The following MILR1 variants were observed in gnomAD, a reference collection of about 807,000 sequenced individuals.
MILR1 encodes mast cell immunoglobulin like receptor 1.
MILR1 carries 31 observed loss-of-function variants against 18.5 expected under a neutral mutation model. That is an observed-to-expected ratio of 1.68 (90% CI 1.26 to 2.26). MILR1 has a LOEUF of 2.26. Ranked by LOEUF, MILR1 falls within the 30% of genes most tolerant of loss-of-function variation. The pLI, the probability that MILR1 is intolerant of heterozygous loss-of-function variation, is 0.00. For missense variants in MILR1, 257 were observed against 157.4 expected (o/e 1.63, Z -3.38); for synonymous variants, 85 against 56.2 (o/e 1.51, Z -2.30).
chr17:64,455,411 A>G (rs1421045752), intron 3 of MILR1, among the ~76,000 whole-genome samples: 1 of 152,104 alleles, frequency 6.6e-6, no homozygotes, highest in Non-Finnish European at 1.5e-5. Flanking sequence ...GGTTGAAACT[A>G]TGAGCCATAA....
rs1396735732 is a variant in MILR1 at position 64,460,217 on chromosome 17, G to C, written c.653-605G>C. ...ATTTTTATATTTTGGGTAGAGACAG[G>C]GTTTCACCATGTTGGCCAGGCTGGT... On this transcript the variant is annotated intron_variant, in intron 4 of 9. Coordinates refer to ENST00000619286, the MANE Select transcript of MILR1 (RefSeq NM_001085423.2). Among the ~76,000 whole-genome samples, 5 of 151,952 alleles carry C rather than the reference G, an allele frequency of 3.3e-5. No homozygotes were observed. In the East Asian group the frequency reaches 5.8e-4, roughly 18 times the overall value.
chr17:64,481,828 TCGTGCC>T, the MILR1 span, among the ~76,000 whole-genome samples: 3 of 151,744 alleles, frequency 2.0e-5, no homozygotes, highest in Admixed American at 6.6e-5. Flanking sequence ...TGAGCCGAGA[TCGTGCC>T]ACTGCACTCC....
Position 64,457,616 on chromosome 17 carries a change from G to C in MILR1, c.584G>C (p.Arg195Thr). The part of the protein sequence containing the change: ...KKNPGEEEEY[R>T]CEAKNRLPNY... Reference sequence around the variant, plus strand: ...AATCCTGGAGAAGAGGAAGAGTATAGGTGTGAAGCTAAAAACAGATTGCCT... The same window carrying C: ...AATCCTGGAGAAGAGGAAGAGTATACGTGTGAAGCTAAAAACAGATTGCCT... The change falls in exon 4 of 10, where the codon AGG (arginine) becomes ACG (threonine). Residue 195 changes from arginine to threonine, a missense_variant. Physicochemically the swap from Arg to Thr is moderately conservative, Grantham distance 71. Coordinates refer to ENST00000619286, the MANE Select transcript of MILR1 (RefSeq NM_001085423.2). The C allele has an allele frequency of 2.1e-6, 1 of 475,320 alleles. No homozygotes were observed. Among genetic ancestry groups the C allele is most frequent in the Admixed American group, 3.1e-5 (1 of 31,762 alleles). 29.4% of individuals were successfully genotyped at this position (475,320 alleles called of 1,614,324 possible). A position where few individuals can be genotyped will look rare whatever the true frequency, so the allele number is the denominator to read the frequency against.
In MILR1 at chr17:64,455,211, C is replaced by T. The variant is rs1039282075; in HGVS notation, c.368-2189C>T. On this transcript the variant is annotated intron_variant, in intron 3 of 9. Coordinates refer to ENST00000619286, the MANE Select transcript of MILR1 (RefSeq NM_001085423.2). ...CATCAGTTCATATGTTTTTTGTGCA[C>T]GACCTTCCTGCAATTTGTTAGGGTA... Among the ~76,000 whole-genome samples the T allele has an allele frequency of 8.2e-4, 125 of 152,220 alleles. 1 individual carries two copies. The highest frequency in any genetic ancestry group is 2.6e-3 in the African/African-American group (106 of 41,536).
the MILR1 span, among the ~76,000 whole-genome samples, chr17:64,481,639 G>A: frequency 1.3e-5 from 2 of 152,124 alleles, no homozygotes; most frequent in South Asian, 4.1e-4. Context: ...TTGGGAGGCC[G>A]AGGTGGGCGG....
chr17:64,480,265 CTT>C, the MILR1 span: 1 of 1,104,736 alleles, frequency 9.1e-7, no homozygotes, highest in Admixed American at 1.8e-5. Context: ...TAAATACACT[CTT>C]TAATGAAAAT....
intron 5 of MILR1, among the ~76,000 whole-genome samples, chr17:64,464,593 T>C (rs1161778268): frequency 1.3e-5 from 2 of 151,994 alleles, no homozygotes; most frequent in Admixed American, 6.6e-5. Flanking sequence ...AAAGTCCAGG[T>C]TCTTGCAAAA....
At chr17:64,493,677 G>A in the MILR1 span, among the ~76,000 whole-genome samples, 20 of 151,918 alleles carry the variant, frequency 1.3e-4, no homozygotes, top group African/African-American at 4.6e-4. Context: ...TAGTAGAGAC[G>A]GGGTTTCACC....
At chr17:64,451,301 C>T (rs986856391) in intron 2 of MILR1, among the ~76,000 whole-genome samples, 1 of 151,832 alleles carries the variant, frequency 6.6e-6, no homozygotes, top group African/African-American at 2.4e-5. Context: ...ACCATCATGC[C>T]CAGCTAATTT....
chr17:64,478,007 AACAG>A, the MILR1 span: 2 of 1,611,598 alleles, frequency 1.2e-6, no homozygotes, highest in South Asian at 2.2e-5. Flanking sequence ...AAAGTAGTTA[AACAG>A]ACACATGAGC....
chr17:64,496,591 GA>G, the MILR1 span: 1 of 1,613,666 alleles, frequency 6.2e-7, no homozygotes, highest in Non-Finnish European at 8.5e-7. Context: ...CGTCCACCGG[GA>G]ATACCTGCTC....
At chr17:64,480,323 T>C in the MILR1 span, 1 of 1,595,594 alleles carries the variant, frequency 6.3e-7, no homozygotes, top group Non-Finnish European at 8.6e-7. Flanking sequence ...GACTGCATAG[T>C]TTCCAAATAA....
At chr17:64,477,341 G>A in the MILR1 span, among the ~76,000 whole-genome samples, 1 of 152,178 alleles carries the variant, frequency 6.6e-6, no homozygotes, top group Non-Finnish European at 1.5e-5. Flanking sequence ...TCTCCCGACT[G>A]GGATGTCTGG....
the MILR1 span, chr17:64,487,613 CAAA>C: frequency 0.2 from 14,550 of 73,110 alleles, 2,029 homozygotes; most frequent in African/African-American, 0.46. Flanking sequence ...GACACCATCT[CAAA>C]AAAAAAAAAA....
the MILR1 span, chr17:64,492,947 C>G: frequency 6.2e-7 from 1 of 1,614,066 alleles, no homozygotes; most frequent in Non-Finnish European, 8.5e-7. Flanking sequence ...TGAAAACACA[C>G]TCCAATCTGA....
chr17:64,473,120 C>G (rs1252775129), downstream of MILR1, among the ~76,000 whole-genome samples: 1 of 151,978 alleles, frequency 6.6e-6, no homozygotes, highest in Non-Finnish European at 1.5e-5. Context: ...GAGGCCGAGG[C>G]GGGTGGATCA....
intron 8 of MILR1, 26 bp from the exon 9 acceptor site, chr17:64,467,539 A>G (rs1555663673): frequency 1.4e-6 from 2 of 1,390,204 alleles, no homozygotes; most frequent in East Asian, 2.4e-5. Flanking sequence ...TATCCTAAGT[A>G]AATTATTTTC....
the MILR1 span, among the ~76,000 whole-genome samples, chr17:64,488,212 A>T: frequency 4.8e-3 from 737 of 152,226 alleles, 4 homozygotes; most frequent in African/African-American, 0.017. Flanking sequence ...AAATAATTTT[A>T]AAAAAAGAAA....
the MILR1 span, among the ~76,000 whole-genome samples, chr17:64,479,664 A>G: frequency 3.6e-4 from 55 of 152,330 alleles, no homozygotes; most frequent in Non-Finnish European, 6.6e-4. Context: ...AGAGAGCTCA[A>G]TTAGGAGATG....
Sources: allele counts gnomAD v4.1 joint callset (sites outside exome capture counted in the v4.1 genomes callset), GRCh38; gene constraint gnomAD v4.1.1; transcripts MANE v1.5; gene names NCBI Gene and HGNC (gene_info 2026-07-23, HGNC 2026-07-21).